RAD51B: variants seen among roughly 807,000 people sequenced by gnomAD.
The protein encoded by RAD51B is DNA repair protein RAD51 homolog 2.
Under a neutral mutation model 42.2 loss-of-function variants are expected in RAD51B, and 38 were observed. That is an observed-to-expected ratio of 0.90 (90% CI 0.70 to 1.18). RAD51B has a LOEUF of 1.18. Ranked by LOEUF, RAD51B falls within the 50% of genes most tolerant of loss-of-function variation. The probability of loss-of-function intolerance (pLI) is 0.00; values close to 1 mark genes in which losing one functional copy is unlikely to be tolerated. For synonymous variants in RAD51B, 154 were observed against 145.2 expected (o/e 1.06, Z -0.43); for missense variants, 373 against 400.7 (o/e 0.93, Z 0.59).
intron 5 of RAD51B, among the ~76,000 whole-genome samples, chr14:67,871,039 G>T (rs1595037957): frequency 1.3e-5 from 2 of 152,000 alleles, no homozygotes; most frequent in East Asian, 3.9e-4. Context: ...AGAAAAGCAA[G>T]AGCAAACACA....
At chr14:67,978,816 A>C (rs1001377912) in intron 7 of RAD51B, among the ~76,000 whole-genome samples, 1 of 152,252 alleles carries the variant, frequency 6.6e-6, no homozygotes, top group Non-Finnish European at 1.5e-5. Flanking sequence ...GATGTTTTTA[A>C]AACACCTTCC....
chr14:68,598,156 A>G (rs1049906059), downstream of RAD51B, among the ~76,000 whole-genome samples: 2 of 152,180 alleles, frequency 1.3e-5, no homozygotes, highest in Non-Finnish European at 2.9e-5. Flanking sequence ...CTTAAGCCTT[A>G]CCTTTTTATT....
intron 9 of RAD51B, among the ~76,000 whole-genome samples, chr14:68,441,299 T>G (rs910430614): frequency 6.7e-6 from 1 of 149,230 alleles, no homozygotes; most frequent in African/African-American, 2.4e-5. Flanking sequence ...TCCCAGCACT[T>G]TGGGAGGCCG....
chr14:68,379,116 ATTGCCAGGCC>A (rs1046943355), intron 8 of RAD51B, among the ~76,000 whole-genome samples: 2 of 152,188 alleles, frequency 1.3e-5, no homozygotes, highest in Non-Finnish European at 1.5e-5. Flanking sequence ...ATAAACTGAT[ATTGCCAGGCC>A]TTGCTCAGTC....
At chr14:68,576,565 A>G (rs937388073) in intron 10 of RAD51B, among the ~76,000 whole-genome samples, 1 of 152,210 alleles carries the variant, frequency 6.6e-6, no homozygotes, top group African/African-American at 2.4e-5. Context: ...TGGAGATGCT[A>G]AAGCATCCAG....
intron 7 of RAD51B, among the ~76,000 whole-genome samples, chr14:67,916,464 A>G (rs1446166172): frequency 7.9e-5 from 12 of 151,328 alleles, no homozygotes. Context: ...CTGGTCTCGA[A>G]CTCCTGGCCT....
At chr14:67,949,437 T>C (rs994239603) in intron 7 of RAD51B, among the ~76,000 whole-genome samples, 1 of 152,238 alleles carries the variant, frequency 6.6e-6, no homozygotes. Flanking sequence ...AGTTTGGTCA[T>C]GAGATTGTAA....
chr14:68,479,290 A>C (rs767228490), downstream of RAD51B, among the ~76,000 whole-genome samples: 3 of 152,200 alleles, frequency 2.0e-5, no homozygotes, highest in Non-Finnish European at 4.4e-5. Flanking sequence ...TCAAGGGACT[A>C]TTTGAGAAGT....
At chr14:68,043,606 C>G (rs1179560137) in intron 7 of RAD51B, among the ~76,000 whole-genome samples, 2 of 152,198 alleles carry the variant, frequency 1.3e-5, no homozygotes, top group Non-Finnish European at 2.9e-5. Context: ...GTATTACTTT[C>G]TCTACAAAAG....
chr14:68,118,218 A>C (rs898399556), intron 7 of RAD51B, among the ~76,000 whole-genome samples: 5 of 152,200 alleles, frequency 3.3e-5, no homozygotes, highest in Non-Finnish European at 2.9e-5. Flanking sequence ...TTAACATCTA[A>C]TATAAGTATA....
chr14:68,515,032 G>A (rs1886036451), intron 10 of RAD51B, among the ~76,000 whole-genome samples: 1 of 152,218 alleles, frequency 6.6e-6, no homozygotes, highest in Non-Finnish European at 1.5e-5. Flanking sequence ...CTGGGGAGGT[G>A]TGCCTGGGAG....
rs552614523 is a variant in RAD51B, at chr14:68,336,401, C to A, written c.853+44421C>A. On this transcript the variant is annotated intron_variant, in intron 8 of 10. Transcript: ENST00000471583. ...ACATCTGTGGTAATGATTATATTTC[C>A]TTTTCATTATATTTCACTCAACACT... Among the ~76,000 whole-genome samples, 3 of 152,218 alleles carry A rather than the reference C, an allele frequency of 2.0e-5. No individual in the cohort carries two copies. In the East Asian group the frequency reaches 5.8e-4, roughly 29 times the overall value.
intron 7 of RAD51B, among the ~76,000 whole-genome samples, chr14:68,259,348 G>A (rs2080828818): frequency 1.3e-5 from 2 of 151,950 alleles, no homozygotes; most frequent in South Asian, 4.1e-4. Flanking sequence ...TATACCTAAT[G>A]CTAAATGAGG....
intron 10 of RAD51B, among the ~76,000 whole-genome samples, chr14:68,594,013 T>C (rs1890873038): frequency 1.3e-5 from 2 of 152,170 alleles, no homozygotes; most frequent in South Asian, 4.1e-4. Flanking sequence ...TGTTTGTGTA[T>C]GTGGGCCTGT....
At chr14:67,943,457 G>A (rs1012096356) in intron 7 of RAD51B, among the ~76,000 whole-genome samples, 6 of 152,078 alleles carry the variant, frequency 3.9e-5, no homozygotes, top group Non-Finnish European at 7.4e-5. Context: ...AAGACCCTGT[G>A]GGATAAAAAA....
chr14:67,922,879 A>G (rs2044372514), intron 7 of RAD51B, among the ~76,000 whole-genome samples: 1 of 151,908 alleles, frequency 6.6e-6, no homozygotes, highest in Admixed American at 6.6e-5. Context: ...TTTAGTAGAG[A>G]CGAGGTTTCG....
intron 7 of RAD51B, among the ~76,000 whole-genome samples, chr14:68,142,532 A>G (rs1340526410): frequency 1.3e-5 from 2 of 152,330 alleles, no homozygotes; most frequent in East Asian, 3.9e-4. Flanking sequence ...GAAATATAAT[A>G]TTTTAAATCC....
intron 8 of RAD51B, among the ~76,000 whole-genome samples, chr14:68,369,377 G>C (rs1198812441): frequency 1.3e-5 from 2 of 152,182 alleles, no homozygotes; most frequent in Admixed American, 1.3e-4. Context: ...TGCGTCCACT[G>C]AGTTGAATTA....
At chr14:68,516,242 TATTC>T (rs1027285808) in intron 10 of RAD51B, among the ~76,000 whole-genome samples, 48 of 152,360 alleles carry the variant, frequency 3.2e-4, no homozygotes, top group Middle Eastern at 3.4e-3. Flanking sequence ...ATTTAATATT[TATTC>T]ATTGTTAATG....
Sources: gnomAD v4.1 joint callset for allele counts (sites outside exome capture counted in the v4.1 genomes callset) on GRCh38, gnomAD v4.1.1 for gene constraint, MANE v1.5 for transcripts, NCBI Gene and HGNC (gene_info 2026-07-23, HGNC 2026-07-21) for gene names.